Variants in RASIP1 observed in about 807,000 individuals in gnomAD.
RASIP1 encodes Ras interacting protein 1.
A neutral mutation model predicts 85.3 loss-of-function variants in RASIP1; 20 were observed. The ratio of observed to expected loss-of-function variants is 0.23; its 90% CI spans 0.17 to 0.34. The LOEUF is 0.34. RASIP1 is among the 10% of genes least tolerant of loss of function. RASIP1 has a pLI of 1.00. For missense variants in RASIP1, 1,170 were observed against 1,390.9 expected, an observed-to-expected ratio of 0.84 and a Z score of 2.53; for synonymous variants, 617 against 647.1, an observed-to-expected ratio of 0.95 and a Z score of 0.71.
intron 5 of RASIP1, among the ~76,000 whole-genome samples, chr19:48,728,165 C>A (rs1568477892): frequency 6.6e-6 from 1 of 152,140 alleles, no homozygotes; most frequent in Non-Finnish European, 1.5e-5. Context: ...TGGAACGTTT[C>A]CCCCACTCTG....
intron 3 of RASIP1, among the ~76,000 whole-genome samples, chr19:48,736,737 G>T (rs999304811): frequency 6.6e-6 from 1 of 151,960 alleles, no homozygotes; most frequent in African/African-American, 2.4e-5. Flanking sequence ...CCAGTGCCCC[G>T]AAAACTGTGT....
At position 48,739,191 on chromosome 19, in the gene RASIP1, A is replaced by G. The variant is rs956420684; in HGVS notation, c.592T>C (p.Cys198Arg). ...SPGGGPGESS[C>R]VDAFALCDAL... is the part of the protein sequence containing the mutation. ...TCGCACAAAGCGAAGGCGTCCACGC[A>G]GCTGCTCTCGCCGGGGCCACCGCCG... The change falls in exon 3 of 12, where the codon TGC becomes CGC. Residue 198 changes from cysteine to arginine, a missense_variant. Around this residue, in one of 4 missense-constraint regions of RASIP1, gnomAD observed 299 missense variants for 394.4 expected, o/e 0.76. Transcript: ENST00000222145. This position sits in a 1 kb window ranked among gnomAD's most constrained non-coding sequence, Gnocchi z 9.2. 9.5e-6 allele frequency: 14 copies of G among 1,475,516 alleles called. No individual in the cohort carries two copies. In the African/African-American group the frequency reaches 1.9e-4, roughly 20 times the overall value. 91.4% of individuals were successfully genotyped at this position (1,475,516 alleles called of 1,614,324 possible).
intron 4 of RASIP1, among the ~76,000 whole-genome samples, chr19:48,730,149 C>A (rs281408): frequency 0.42 from 63,830 of 151,444 alleles, 14,326 homozygotes; most frequent in East Asian, 0.83. Context: ...ATCCCGAAGA[C>A]CGGCTATGTA....
At chr19:48,727,739 T>C (rs2033368294) in intron 5 of RASIP1, among the ~76,000 whole-genome samples, 1 of 143,362 alleles carries the variant, frequency 7.0e-6, no homozygotes, top group African/African-American at 2.6e-5. Context: ...CAGGCTGGGG[T>C]GCAATGGCTC....
chr19:48,731,322 A>G (rs1225538942), intron 4 of RASIP1, among the ~76,000 whole-genome samples: 2 of 151,156 alleles, frequency 1.3e-5, no homozygotes, highest in African/African-American at 4.9e-5. Flanking sequence ...TATTCCTACA[A>G]TGGACTCCTA....
rs1279955878 is a variant in RASIP1, at chr19:48,722,135, A to C, written c.2545-134T>G. On this transcript the variant is annotated intron_variant, in intron 10 of 11. Coordinates refer to ENST00000222145, the MANE Select transcript of RASIP1 (RefSeq NM_017805.3). ...TCTGCAGTGTCTTCTGGGCACTGTG[A>C]AGTCTGTTTATCACCAAAGTGATGG... is the stretch of plus-strand genomic sequence containing the variant. 3.5e-6 allele frequency: 3 copies of C among 849,272 alleles called. No individual in the cohort carries two copies. The African/African-American group carries it at 5.3e-5, about 15-fold the overall frequency. The allele number at this position is 849,272 out of a possible 1,614,324, so 52.6% of individuals were successfully genotyped here. A position where few individuals can be genotyped will look rare whatever the true frequency, so the allele number is the denominator to read the frequency against.
chr19:48,723,325 C>T (rs1191606468), intron 10 of RASIP1, among the ~76,000 whole-genome samples: 5 of 152,080 alleles, frequency 3.3e-5, no homozygotes, highest in African/African-American at 7.2e-5. Flanking sequence ...TTTGGGAGGC[C>T]GAGGCAGGCG....
rs1289200958 is a variant in RASIP1, at chr19:48,724,441, C to T, written c.2440G>A (p.Asp814Asn). ...QIRTNLDLVLDWLQGAGLGDI... is the reference protein window; with the variant it reads ...QIRTNLDLVLNWLQGAGLGDI... ...CCCAGCCCAGCTCCCTGTAGCCAGT[C>T]CAAGACGAGGTCCAGGTTGGTTCGG... The change falls in exon 10 of 12, where the codon GAC becomes AAC. Residue 814 changes from aspartate (D) to asparagine (N), a missense_variant. Physicochemically the swap from Asp to Asn is conservative, Grantham distance 23. Transcript: ENST00000222145. This position sits in a 1 kb window ranked among gnomAD's most constrained non-coding sequence, Gnocchi z 4.6. 6.2e-7 allele frequency: 1 copy of T among 1,614,012 alleles called. No homozygotes were observed. The highest frequency in any genetic ancestry group is 8.5e-7 in the Non-Finnish European group (1 of 1,180,030).
intron 4 of RASIP1, among the ~76,000 whole-genome samples, chr19:48,733,359 C>T (rs1413450418): frequency 6.6e-6 from 1 of 152,192 alleles, no homozygotes; most frequent in Non-Finnish European, 1.5e-5. Context: ...AGTAACTTCC[C>T]ACTGATCCTC....
At chr19:48,725,910 C>CTT (rs576222260) in intron 8 of RASIP1, among the ~76,000 whole-genome samples, 1 of 149,270 alleles carries the variant, frequency 6.7e-6, no homozygotes, top group African/African-American at 2.5e-5. Context: ...GTGATGATTA[C>CTT]TTTTTTTTTT....
chr19:48,734,486 CTTTCTTTTTTT>C (rs1240588027), intron 4 of RASIP1, among the ~76,000 whole-genome samples: 15 of 83,720 alleles, frequency 1.8e-4, no homozygotes, highest in African/African-American at 6.3e-4. Context: ...GCTTTTTTTT[CTTTCTTTTTTT>C]TTTTTTTTGA....
At chr19:48,737,741 CA>C (rs1203084144) in intron 3 of RASIP1, 5 of 985,132 alleles carry the variant, frequency 5.1e-6, no homozygotes, top group Non-Finnish European at 6.0e-6. Context: ...ATGCTCACCA[CA>C]TGCCACCACT....
intron 4 of RASIP1, among the ~76,000 whole-genome samples, chr19:48,733,788 A>G (rs1363858764): frequency 5.4e-5 from 8 of 147,834 alleles, no homozygotes; most frequent in Non-Finnish European, 1.5e-5. Context: ...GCTGGGTGAC[A>G]GACTGAGAAT....
At chr19:48,733,849 G>A (rs2033511902) in intron 4 of RASIP1, among the ~76,000 whole-genome samples, 1 of 150,846 alleles carries the variant, frequency 6.6e-6, no homozygotes, top group African/African-American at 2.4e-5. Flanking sequence ...GCACTCCTAC[G>A]AAGAAAACAC....
chr19:48,739,950 C>T lies in RASIP1; in HGVS notation c.137+196G>A, dbSNP rs1196769814. On this transcript the variant is annotated intron_variant, in intron 2 of 11. Transcript: ENST00000222145. This position sits in a 1 kb window ranked among gnomAD's most constrained non-coding sequence, Gnocchi z 9.2. The stretch of plus-strand genomic sequence containing the variant: ...CCGTCCCCGTGCCCATCCGGCCTCA[C>T]TCCACCTCCTAGCCTAGCTCTTACT... Among the ~76,000 whole-genome samples the T allele has an allele frequency of 1.3e-5, 2 of 152,204 alleles. No individual in the cohort carries two copies. The highest frequency in any genetic ancestry group is 4.8e-5 in the African/African-American group (2 of 41,452).
intron 4 of RASIP1, among the ~76,000 whole-genome samples, chr19:48,732,064 CT>C (rs11311120): frequency 0.35 from 50,457 of 143,788 alleles, 9,627 homozygotes; most frequent in Middle Eastern, 0.57. Flanking sequence ...TTTTTAATCT[CT>C]TTTTTTTTTT....
In RASIP1 at chr19:48,738,855, C is replaced by T; in HGVS notation, c.823+105G>A. 1 of 1,037,856 alleles carries T rather than the reference C, an allele frequency of 9.6e-7. No homozygotes were observed. The highest frequency in any genetic ancestry group is 1.2e-6 in the Non-Finnish European group (1 of 838,632). 64.3% of individuals were successfully genotyped at this position (1,037,856 alleles called of 1,614,324 possible). On this transcript the variant is annotated intron_variant, in intron 3 of 11. Transcript: ENST00000222145. The surrounding 1 kb of genome is among the most constrained non-coding windows in gnomAD (Gnocchi z 4.0). The stretch of plus-strand genomic sequence containing the variant: ...TCCCAGTCCCCTCCCGCGGGCCCCG[C>T]CCCCAGCCAGCCCGCGAGTCCCACA...
At chr19:48,723,999 C>T (rs12979891) in intron 10 of RASIP1, among the ~76,000 whole-genome samples, 56,353 of 151,954 alleles carry the variant, frequency 0.37, 12,503 homozygotes, top group Middle Eastern at 0.59. Flanking sequence ...GTAGAGACAG[C>T]GTTTCGCCAT....
Position 48,739,368 on chromosome 19 carries a change from T to C in RASIP1, c.415A>G (p.Thr139Ala). 2.2e-6 allele frequency: 3 copies of C among 1,341,822 alleles called. No homozygotes were observed. Among genetic ancestry groups the C allele is most frequent in the Non-Finnish European group, 2.9e-6 (3 of 1,051,506 alleles). The allele number at this position is 1,341,822 out of a possible 1,614,324, so 83.1% of individuals were successfully genotyped here. ...AGVAPEPPLATRATAPPGVLK... is the reference protein window; with the variant it reads ...AGVAPEPPLAARATAPPGVLK... ...ACCCCCGGAGGCGCCGTGGCGCGGG[T>C]AGCCAGCGGGGGCTCGGGGGCCACG... is the stretch of plus-strand genomic sequence containing the variant. Residue 139 changes from threonine (T) to alanine (A), a missense_variant, in exon 3 of 12, where the codon ACC (threonine) becomes GCC (alanine). Around this residue, in one of 4 missense-constraint regions of RASIP1, gnomAD observed 299 missense variants for 394.4 expected, o/e 0.76. Transcript: ENST00000222145. This position sits in a 1 kb window ranked among gnomAD's most constrained non-coding sequence, Gnocchi z 9.2.
Sources: gnomAD v4.1 joint callset for allele counts (sites outside exome capture counted in the v4.1 genomes callset) on GRCh38, gnomAD v4.1.1 for gene constraint, gnomAD v4.1.1 regional missense constraint, Gnocchi (gnomAD v3.1) non-coding constraint, MANE v1.5 for transcripts, NCBI Gene and HGNC (gene_info 2026-07-23, HGNC 2026-07-21) for gene names.